Variants in FRMD4A observed in about 807,000 individuals in gnomAD.
FRMD4A encodes the protein FERM domain containing 4A, also known as FERM domain-containing protein 4A.
FRMD4A carries 29 observed loss-of-function variants against 129.1 expected under a neutral mutation model. The ratio of observed to expected loss-of-function variants is 0.22; its 90% CI spans 0.17 to 0.31. The LOEUF (loss-of-function observed/expected upper bound fraction) is 0.31. Ranked by LOEUF, FRMD4A falls within the 10% of genes least tolerant of loss-of-function variation. The pLI is 1.00. For synonymous variants in FRMD4A, 634 were observed against 571.6 expected, an observed-to-expected ratio of 1.11 and a Z score of -1.56; for missense variants, 1,272 against 1,375.8, an observed-to-expected ratio of 0.92 and a Z score of 1.19.
At chr10:13,905,327 A>G (rs1325559096) in intron 2 of FRMD4A, among the ~76,000 whole-genome samples, 1 of 152,190 alleles carries the variant, frequency 6.6e-6, no homozygotes, top group Non-Finnish European at 1.5e-5. Flanking sequence ...AATTGTTTTC[A>G]TGTTGGCTCT....
intron 2 of FRMD4A, among the ~76,000 whole-genome samples, chr10:14,185,622 A>C (rs968146486): frequency 6.6e-6 from 1 of 152,204 alleles, no homozygotes; most frequent in Non-Finnish European, 1.5e-5. Flanking sequence ...AAGGGGATAT[A>C]TACTTCATGG....
chr10:13,761,535 CAT>C (rs1428887574), intron 8 of FRMD4A, 110 bp downstream of exon 8: 1 of 744,076 alleles, frequency 1.3e-6, no homozygotes, highest in African/African-American at 1.8e-5. Context: ...TCATCATTAA[CAT>C]ATAACATGAA....
chr10:14,145,104 C>T (rs1452222548), intron 2 of FRMD4A, among the ~76,000 whole-genome samples: 1 of 152,140 alleles, frequency 6.6e-6, no homozygotes, highest in Non-Finnish European at 1.5e-5. Context: ...TACATAGAAA[C>T]AGAATGGCAG....
chr10:14,260,096 C>T (rs966214216), intron 2 of FRMD4A, among the ~76,000 whole-genome samples: 2 of 151,484 alleles, frequency 1.3e-5, no homozygotes, highest in Non-Finnish European at 2.9e-5. Flanking sequence ...GGAAGGCTAT[C>T]ACTTGACATT....
intron 12 of FRMD4A, among the ~76,000 whole-genome samples, chr10:13,730,031 C>G (rs1039299501): frequency 6.6e-6 from 1 of 152,156 alleles, no homozygotes; most frequent in Non-Finnish European, 1.5e-5. Context: ...TTTGGAAAGT[C>G]TTTTCTGCTT....
At chr10:14,147,259 G>T (rs1589075642) in intron 2 of FRMD4A, among the ~76,000 whole-genome samples, 1 of 152,116 alleles carries the variant, frequency 6.6e-6, no homozygotes, top group South Asian at 2.1e-4. Context: ...AACCCTGATG[G>T]TCATTATATT....
intron 2 of FRMD4A, chr10:13,866,230 T>A: frequency 1.1e-6 from 1 of 893,070 alleles, no homozygotes; most frequent in Non-Finnish European, 1.3e-6. Context: ...AAATTTAGAT[T>A]TCAAAAGCCA....
chr10:13,705,680 CA>C (rs1270078871), intron 13 of FRMD4A, among the ~76,000 whole-genome samples: 1 of 152,206 alleles, frequency 6.6e-6, no homozygotes, highest in African/African-American at 2.4e-5. Flanking sequence ...CCGCCCACCC[CA>C]CTTGGCCTGC....
At chr10:13,859,250 G>C (rs1306127638) in intron 2 of FRMD4A, among the ~76,000 whole-genome samples, 1 of 152,106 alleles carries the variant, frequency 6.6e-6, no homozygotes, top group African/African-American at 2.4e-5. Context: ...CGGGCGTGGT[G>C]GTGCATACCT....
chr10:14,286,116 A>G (rs1344070573), intron 2 of FRMD4A, among the ~76,000 whole-genome samples: 2 of 152,194 alleles, frequency 1.3e-5, no homozygotes, highest in Non-Finnish European at 2.9e-5. Flanking sequence ...CTGATTTCCA[A>G]AGTGTTGACA....
intron 2 of FRMD4A, among the ~76,000 whole-genome samples, chr10:14,141,723 C>T (rs561674716): frequency 1.2e-4 from 18 of 152,190 alleles, no homozygotes; most frequent in Non-Finnish European, 2.1e-4. Flanking sequence ...TGTTTCCTTG[C>T]ACTGCACCTG....
intron 2 of FRMD4A, among the ~76,000 whole-genome samples, chr10:14,274,662 G>A (rs1845277791): frequency 2.0e-5 from 3 of 152,144 alleles, no homozygotes; most frequent in Non-Finnish European, 2.9e-5. Flanking sequence ...ACGCTGAAGG[G>A]AGAATTGGAA....
intron 3 of FRMD4A, among the ~76,000 whole-genome samples, chr10:13,836,623 G>C (rs2093877955): frequency 6.6e-6 from 1 of 152,030 alleles, no homozygotes; most frequent in Middle Eastern, 3.2e-3. Flanking sequence ...TCGGGTCCTT[G>C]TTCCTCCACA....
At chr10:13,711,474 C>T (rs1437716008) in intron 12 of FRMD4A, among the ~76,000 whole-genome samples, 2 of 152,254 alleles carry the variant, frequency 1.3e-5, no homozygotes, top group South Asian at 2.1e-4. Flanking sequence ...CGTCATAACC[C>T]ACCACCATGT....
At chr10:13,979,804 T>C (rs1370359128) in intron 2 of FRMD4A, among the ~76,000 whole-genome samples, 1 of 152,222 alleles carries the variant, frequency 6.6e-6, no homozygotes, top group African/African-American at 2.4e-5. Context: ...ACTGAATGAA[T>C]GAAACTATGT....
chr10:13,940,583 C>T (rs536032150), intron 2 of FRMD4A, among the ~76,000 whole-genome samples: 84 of 152,246 alleles, frequency 5.5e-4, no homozygotes, highest in African/African-American at 1.9e-3. Flanking sequence ...TCTCAACCTC[C>T]GTGCTATGAG....
chr10:14,055,197 T>C (rs1338460686), intron 2 of FRMD4A, among the ~76,000 whole-genome samples: 1 of 152,188 alleles, frequency 6.6e-6, no homozygotes, highest in Non-Finnish European at 1.5e-5. Context: ...GTCACTTTGT[T>C]AATAAAATTA....
chr10:14,267,043 C>T (rs942627422), intron 2 of FRMD4A, among the ~76,000 whole-genome samples: 4 of 152,128 alleles, frequency 2.6e-5, no homozygotes, highest in African/African-American at 9.7e-5. Context: ...CGAGAGACTC[C>T]GCCTGGGGCA....
intron 2 of FRMD4A, among the ~76,000 whole-genome samples, chr10:13,951,309 T>C (rs571222369): frequency 6.6e-6 from 1 of 152,094 alleles, no homozygotes; most frequent in South Asian, 2.1e-4. Context: ...ACCTGATGGC[T>C]AGTAGGGAAG....
Sources: gnomAD v4.1 joint callset for allele counts (sites outside exome capture counted in the v4.1 genomes callset) on GRCh38, gnomAD v4.1.1 for gene constraint, MANE v1.5 for transcripts, NCBI Gene and HGNC (gene_info 2026-07-23, HGNC 2026-07-21) for gene names.